Variants in SPINK4 observed in about 807,000 individuals in gnomAD.
SPINK4 encodes the protein serine peptidase inhibitor Kazal type 4.
A neutral mutation model predicts 12.3 loss-of-function variants in SPINK4; 10 were observed. That is an observed-to-expected ratio of 0.81 (90% CI 0.50 to 1.37). The LOEUF (loss-of-function observed/expected upper bound fraction) is 1.37. SPINK4 is among the 40% of genes most tolerant of loss of function. The pLI is 0.00. For synonymous variants in SPINK4, 37 were observed against 40.2 expected (o/e 0.92, Z 0.30); for missense variants, 91 against 109.0 (o/e 0.84, Z 0.73).
intron 1 of SPINK4, among the ~76,000 whole-genome samples, chr9:33,243,823 T>G (rs1820261855): frequency 2.0e-5 from 3 of 152,078 alleles, no homozygotes; most frequent in African/African-American, 7.2e-5. Flanking sequence ...TGTTTCCCTC[T>G]CTCTGTGGAA....
intron 1 of SPINK4, among the ~76,000 whole-genome samples, chr9:33,242,632 C>T (rs759922424): frequency 1.3e-4 from 20 of 152,160 alleles, no homozygotes; most frequent in Non-Finnish European, 2.6e-4. Context: ...CAGGGAACCA[C>T]GGAAGGGCTT....
At chr9:33,242,505 G>A (rs1274179187) in intron 1 of SPINK4, among the ~76,000 whole-genome samples, 1 of 152,080 alleles carries the variant, frequency 6.6e-6, no homozygotes, top group East Asian at 1.9e-4. Context: ...GAATAGCTGG[G>A]GCATGGAGAG....
Position 33,246,632 on chromosome 9 carries a change from T to A in SPINK4, c.119T>A (p.Met40Lys), listed in dbSNP as rs773465281. 6.2e-7 allele frequency: 1 copy of A among 1,613,914 alleles called. No homozygotes were observed. The highest frequency in any genetic ancestry group is 1.1e-5 in the South Asian group (1 of 91,086). ...PFSRMPICEH[M>K]VESPTCSQMS... is the part of the protein sequence containing the mutation. Reference sequence around the variant, plus strand: ...CTTCCACAGCCCATCTGTGAACACATGGTAGAGTCTCCAACCTGTTCCCAG... The same window carrying A: ...CTTCCACAGCCCATCTGTGAACACAAGGTAGAGTCTCCAACCTGTTCCCAG... The change falls in exon 3 of 4, where the codon ATG becomes AAG. Residue 40 changes from methionine (M) to lysine (K), a missense_variant. Met to Lys is a moderately conservative substitution (Grantham distance 95). Coordinates refer to ENST00000379721, the MANE Select transcript of SPINK4 (RefSeq NM_014471.3).
intron 3 of SPINK4, among the ~76,000 whole-genome samples, chr9:33,247,072 C>T (rs755746564): frequency 1.3e-5 from 2 of 152,074 alleles, no homozygotes; most frequent in Non-Finnish European, 1.5e-5. Flanking sequence ...AGAACAGAGC[C>T]TAAGTTAGAC....
At chr9:33,244,755 A>C (rs184888132) in intron 1 of SPINK4, among the ~76,000 whole-genome samples, 1 of 152,344 alleles carries the variant, frequency 6.6e-6, no homozygotes, top group East Asian at 1.9e-4. Context: ...CACAGCAGTA[A>C]GATAGGGGTG....
intron 1 of SPINK4, among the ~76,000 whole-genome samples, chr9:33,243,656 T>C (rs1820260486): frequency 6.6e-6 from 1 of 152,236 alleles, no homozygotes; most frequent in Non-Finnish European, 1.5e-5. Context: ...TTGTATTTAT[T>C]TATCCATTCT....
At chr9:33,244,373 C>T (rs1304441752) in intron 1 of SPINK4, among the ~76,000 whole-genome samples, 2 of 152,174 alleles carry the variant, frequency 1.3e-5, no homozygotes, top group African/African-American at 2.4e-5. Flanking sequence ...ACCTATGCCC[C>T]AGGAAACAGA....
chr9:33,244,416 G>A (rs760748025), intron 1 of SPINK4, among the ~76,000 whole-genome samples: 3 of 152,174 alleles, frequency 2.0e-5, no homozygotes, highest in African/African-American at 7.2e-5. Flanking sequence ...ACTGGGGAGC[G>A]TTCATGGGAG....
intron 2 of SPINK4, 37 bp from the exon 3 acceptor site, chr9:33,246,579 G>A: frequency 1.3e-6 from 2 of 1,583,102 alleles, no homozygotes; most frequent in Non-Finnish European, 1.7e-6. Flanking sequence ...CACTGCCTCT[G>A]AATCCCTGAG....
chr9:33,245,284 C>T, intron 2 of SPINK4, 132 bp downstream of exon 2: 1 of 908,368 alleles, frequency 1.1e-6, no homozygotes, highest in African/African-American at 1.7e-5. Context: ...GCCAAGGTGG[C>T]CTCCTGGCCT....
intron 1 of SPINK4, among the ~76,000 whole-genome samples, chr9:33,242,799 TA>T (rs1820250327): frequency 6.6e-6 from 1 of 151,110 alleles, no homozygotes; most frequent in Admixed American, 6.6e-5. Context: ...GGAAGAAAAA[TA>T]AATACAGAAC....
chr9:33,241,766 G>A (rs1040970691), intron 1 of SPINK4, among the ~76,000 whole-genome samples: 7 of 152,102 alleles, frequency 4.6e-5, no homozygotes, highest in African/African-American at 1.7e-4. Context: ...CAAGGTCAAG[G>A]GCAGCCTGGG....
intron 3 of SPINK4, among the ~76,000 whole-genome samples, chr9:33,246,996 T>C (rs1396335361): frequency 5.3e-5 from 8 of 152,120 alleles, no homozygotes; most frequent in Non-Finnish European, 1.0e-4. Context: ...TGACCTCATC[T>C]GTTTTTTCAT....
At chr9:33,240,483 C>T (rs1328182169) in intron 1 of SPINK4, among the ~76,000 whole-genome samples, 2 of 152,176 alleles carry the variant, frequency 1.3e-5, no homozygotes, top group Non-Finnish European at 2.9e-5. Flanking sequence ...TTACCAAAGT[C>T]CCCTACCCTC....
intron 3 of SPINK4, among the ~76,000 whole-genome samples, chr9:33,247,434 C>T (rs1225934053): frequency 6.6e-6 from 1 of 151,848 alleles, no homozygotes; most frequent in African/African-American, 2.4e-5. Context: ...TCCCAAAGTG[C>T]TAGGATTACA....
At chr9:33,242,319 T>C (rs1820245350) in intron 1 of SPINK4, among the ~76,000 whole-genome samples, 1 of 152,012 alleles carries the variant, frequency 6.6e-6, no homozygotes, top group African/African-American at 2.4e-5. Context: ...GAAGCCTCCA[T>C]CCAGATCTGC....
intron 3 of SPINK4, among the ~76,000 whole-genome samples, chr9:33,247,303 G>A (rs1171661075): frequency 2.0e-5 from 3 of 150,814 alleles, no homozygotes; most frequent in Non-Finnish European, 3.0e-5. Flanking sequence ...GATTACAGGC[G>A]CCCACCACCA....
chr9:33,242,369 G>C (rs532650157), intron 1 of SPINK4, among the ~76,000 whole-genome samples: 15 of 152,284 alleles, frequency 9.9e-5, no homozygotes, highest in Admixed American at 9.8e-4. Context: ...GCTTCACTGG[G>C]GGGCAGCATC....
At chr9:33,243,646 T>C (rs1243228471) in intron 1 of SPINK4, among the ~76,000 whole-genome samples, 1 of 152,214 alleles carries the variant, frequency 6.6e-6, no homozygotes. Flanking sequence ...TAGTGCCCCA[T>C]TGTATTTATT....
Sources: gnomAD v4.1 joint callset for allele counts (sites outside exome capture counted in the v4.1 genomes callset) on GRCh38, gnomAD v4.1.1 for gene constraint, MANE v1.5 for transcripts, NCBI Gene and HGNC (gene_info 2026-07-23, HGNC 2026-07-21) for gene names.